NEDD4: variants seen among roughly 807,000 people sequenced by gnomAD.
NEDD4 encodes NEDD4 E3 ubiquitin protein ligase.
A neutral mutation model predicts 144.9 loss-of-function variants in NEDD4; 99 were observed. The ratio of observed to expected loss-of-function variants is 0.68; its 90% confidence interval spans 0.58 to 0.81. NEDD4 has a LOEUF of 0.81. Ranked by LOEUF, NEDD4 falls within the 30% of genes least tolerant of loss-of-function variation. The pLI is 0.00. For missense variants in NEDD4, 985 were observed against 1,065.9 expected (o/e 0.92, Z 1.06); for synonymous variants, 318 against 350.6 (o/e 0.91, Z 1.04).
chr15:55,831,954 T>G (rs1318194254), intron 27 of NEDD4, among the ~76,000 whole-genome samples: 1 of 152,148 alleles, frequency 6.6e-6, no homozygotes, highest in Non-Finnish European at 1.5e-5. Context: ...TGAATCAATA[T>G]GAGAAAAGTT....
At chr15:55,979,414 C>T (rs1429598692) in intron 1 of NEDD4, among the ~76,000 whole-genome samples, 10 of 134,702 alleles carry the variant, frequency 7.4e-5, no homozygotes, top group Admixed American at 4.2e-4. Flanking sequence ...ACTGCAGTGG[C>T]GCAATCTCGG....
chr15:55,993,494 C>T lies in NEDD4; in HGVS notation c.45+17G>A. 1 of 1,594,988 alleles carries T rather than the reference C, an allele frequency of 6.3e-7. No homozygotes were observed. Among genetic ancestry groups the T allele is most frequent in the Non-Finnish European group, 8.5e-7 (1 of 1,173,188 alleles). On this transcript the variant is annotated intron_variant, in intron 1 of 28. Transcript: ENST00000435532. ...ACCCGAAGGGAAGCCCGCCCCGCAGCCCCGCGGTCCCCGCACCTCGTCCTC... is the reference window on the plus strand; with the variant it reads ...ACCCGAAGGGAAGCCCGCCCCGCAGTCCCGCGGTCCCCGCACCTCGTCCTC...
At chr15:55,894,233 A>G (rs1014957175) in intron 5 of NEDD4, among the ~76,000 whole-genome samples, 6 of 152,210 alleles carry the variant, frequency 3.9e-5, no homozygotes, top group African/African-American at 1.4e-4. Flanking sequence ...AAAATATTTG[A>G]AAAGAAAAAA....
In NEDD4 at chr15:55,860,764, T is replaced by A. The variant is rs199644161; in HGVS notation, c.689A>T (p.Asp230Val). ...KRPTPQDNLT[D>V]AENGNIQLQA... ...CAGTTGAATGTTGCCATTCTCAGCA[T>A]CTGTTAGGTTGTCCCTATATTGGAA... Residue 230 changes from aspartate (D) to valine (V), a missense_variant, in exon 10 of 29, where the codon GAT becomes GTT. Transcript: ENST00000435532. 1 of 1,614,008 alleles carries A rather than the reference T, an allele frequency of 6.2e-7. No individual in the cohort carries two copies. Among genetic ancestry groups the A allele is most frequent in the Admixed American group, 1.7e-5 (1 of 59,996 alleles).
intron 11 of NEDD4, among the ~76,000 whole-genome samples, chr15:55,858,805 T>C (rs2034293026): frequency 6.6e-6 from 1 of 152,236 alleles, no homozygotes; most frequent in Non-Finnish European, 1.5e-5. Context: ...TTAGCACACA[T>C]TTCCTGTTAA....
chr15:55,965,400 C>A (rs1398895912), intron 2 of NEDD4, among the ~76,000 whole-genome samples: 2 of 152,046 alleles, frequency 1.3e-5, no homozygotes, highest in Non-Finnish European at 2.9e-5. Context: ...ACAGGTTTCA[C>A]CATATTGCCC....
At chr15:55,966,899 T>A (rs1486318090) in intron 1 of NEDD4, among the ~76,000 whole-genome samples, 1 of 152,192 alleles carries the variant, frequency 6.6e-6, no homozygotes, top group Non-Finnish European at 1.5e-5. Flanking sequence ...GCTTTTGGTT[T>A]TTTTTTGAGA....
intron 18 of NEDD4, among the ~76,000 whole-genome samples, chr15:55,844,510 C>G (rs1477718629): frequency 6.6e-6 from 1 of 152,110 alleles, no homozygotes; most frequent in East Asian, 1.9e-4. Flanking sequence ...GAGTAGTAGA[C>G]AAGTGCATGC....
At chr15:55,902,402 C>T (rs2035939500) in intron 5 of NEDD4, among the ~76,000 whole-genome samples, 1 of 152,166 alleles carries the variant, frequency 6.6e-6, no homozygotes, top group African/African-American at 2.4e-5. Context: ...TTTGTCACGA[C>T]TGCATGGTGG....
chr15:55,917,429 G>A (rs2036483124), intron 5 of NEDD4, among the ~76,000 whole-genome samples: 1 of 151,820 alleles, frequency 6.6e-6, no homozygotes, highest in Non-Finnish European at 1.5e-5. Context: ...GCCATACTAG[G>A]AATCTAGTCA....
intron 4 of NEDD4, 98 bp from the exon 5 acceptor site, chr15:55,924,797 G>A (rs956795962): frequency 1.1e-5 from 13 of 1,198,050 alleles, no homozygotes; most frequent in Non-Finnish European, 1.6e-5. Flanking sequence ...GTCGGGCATG[G>A]TGGCTCATGC....
chr15:55,975,173 G>A (rs989601854), intron 1 of NEDD4, among the ~76,000 whole-genome samples: 32 of 152,084 alleles, frequency 2.1e-4, no homozygotes, highest in African/African-American at 6.5e-4. Flanking sequence ...GATTACAGGC[G>A]TGTGCCACTG....
chr15:55,980,013 T>C (rs1283915081), intron 1 of NEDD4, among the ~76,000 whole-genome samples: 1 of 151,854 alleles, frequency 6.6e-6, no homozygotes, highest in Non-Finnish European at 1.5e-5. Flanking sequence ...TAGGCTCAAG[T>C]GATTCTCCTA....
At chr15:55,914,157 C>G (rs554785546) in intron 5 of NEDD4, among the ~76,000 whole-genome samples, 1 of 151,418 alleles carries the variant, frequency 6.6e-6, no homozygotes, top group Non-Finnish European at 1.5e-5. Flanking sequence ...AGAAAATAAA[C>G]TAGCAATTAC....
intron 5 of NEDD4, among the ~76,000 whole-genome samples, chr15:55,921,215 G>T (rs1344518001): frequency 6.6e-6 from 1 of 152,120 alleles, no homozygotes; most frequent in African/African-American, 2.4e-5. Flanking sequence ...ATGTGAGAAG[G>T]TATTTTTAGA....
chr15:55,931,377 C>T (rs2036778217), intron 4 of NEDD4, among the ~76,000 whole-genome samples: 1 of 152,094 alleles, frequency 6.6e-6, no homozygotes, highest in Non-Finnish European at 1.5e-5. Flanking sequence ...TCATTATAAG[C>T]CCTTTTATAC....
chr15:55,844,141 G>C (rs1396611637), intron 18 of NEDD4, among the ~76,000 whole-genome samples: 1 of 152,104 alleles, frequency 6.6e-6, no homozygotes, highest in Non-Finnish European at 1.5e-5. Flanking sequence ...CAGCATACAT[G>C]AGAGGTCTGA....
chr15:55,940,401 T>C (rs1426191497), intron 4 of NEDD4, among the ~76,000 whole-genome samples: 1 of 152,170 alleles, frequency 6.6e-6, no homozygotes, highest in Non-Finnish European at 1.5e-5. Flanking sequence ...ATATGAACTA[T>C]ACCCCCAATA....
At chr15:55,868,053 C>G (rs1302992033) in intron 8 of NEDD4, among the ~76,000 whole-genome samples, 1 of 120,356 alleles carries the variant, frequency 8.3e-6, no homozygotes, top group Non-Finnish European at 1.7e-5. Context: ...AAGACTCTGA[C>G]TCCAAAAAAA....
Sources: gnomAD v4.1 joint callset for allele counts (sites outside exome capture counted in the v4.1 genomes callset) on GRCh38, gnomAD v4.1.1 for gene constraint, MANE v1.5 for transcripts, NCBI Gene and HGNC (gene_info 2026-07-23, HGNC 2026-07-21) for gene names.